Variants in DZANK1 observed in about 807,000 individuals in gnomAD.
The protein encoded by DZANK1 is double zinc ribbon and ankyrin repeat-containing protein 1.
A neutral mutation model predicts 94.5 loss-of-function variants in DZANK1; 91 were observed. The ratio of observed to expected loss-of-function variants is 0.96; its 90% CI spans 0.81 to 1.15. DZANK1 has a LOEUF of 1.15. Among genes scored for constraint, DZANK1 ranks in the 50% most tolerant of loss-of-function variants. DZANK1 has a pLI of 0.00. For missense variants in DZANK1, 903 were observed against 916.4 expected (o/e 0.99, Z 0.19); for synonymous variants, 312 against 325.3 (o/e 0.96, Z 0.44).
rs142237390 is a variant in DZANK1, at chr20:18,451,103, G to A, written c.543+1512C>T. Among the ~76,000 whole-genome samples the A allele has an allele frequency of 2.5e-3, 388 of 152,208 alleles. 6 individuals carry two copies. Among genetic ancestry groups the A allele is most frequent in the Admixed American group, 0.021 (328 of 15,290 alleles). On this transcript the variant is annotated intron_variant, in intron 6 of 20. Transcript: ENST00000262547. ...TGGGACTACAGGTGCGCGCCACTAT[G>A]CCTGGCTAATTTTTGTATTTTCAGT...
chr20:18,418,155 A>C (rs1290399335), intron 10 of DZANK1, among the ~76,000 whole-genome samples: 1 of 152,094 alleles, frequency 6.6e-6, no homozygotes, highest in Non-Finnish European at 1.5e-5. Context: ...AGTTGCAGCA[A>C]GTACATACAA....
Position 18,396,559 on chromosome 20 carries a change from T to C in DZANK1, c.1537-13A>G. 1.9e-6 allele frequency: 3 copies of C among 1,607,080 alleles called. No homozygotes were observed. The highest frequency in any genetic ancestry group is 2.6e-6 in the Non-Finnish European group (3 of 1,175,282). On this transcript the variant is annotated splice_polypyrimidine_tract_variant and intron_variant, in intron 14 of 20. Coordinates refer to ENST00000262547, the Ensembl canonical transcript of DZANK1. Reference sequence around the variant, plus strand: ...TAGCAGAGATAAGCTTTTAAAAGAGTTGTAGAGAGAATTCATAACTGTGGG... The same window carrying C: ...TAGCAGAGATAAGCTTTTAAAAGAGCTGTAGAGAGAATTCATAACTGTGGG...
intron 3 of DZANK1, among the ~76,000 whole-genome samples, chr20:18,459,390 T>C (rs773546416): frequency 3.9e-5 from 6 of 152,162 alleles, no homozygotes; most frequent in Non-Finnish European, 7.3e-5. Context: ...CAAAAAGCCA[T>C]GCAGTAATTC....
chr20:18,447,976 G>A (rs1264825114), intron 7 of DZANK1, among the ~76,000 whole-genome samples: 6 of 152,134 alleles, frequency 3.9e-5, no homozygotes, highest in African/African-American at 1.4e-4. Context: ...TGACTTTGGG[G>A]TTTTAAAAAT....
chr20:18,386,413 C>T lies in DZANK1; in HGVS notation c.2019-1323G>A, dbSNP rs113461457. Among the ~76,000 whole-genome samples the T allele has an allele frequency of 2.3e-3, 347 of 152,162 alleles. 5 individuals are homozygous for T. The highest frequency in any genetic ancestry group is 7.9e-3 in the African/African-American group (327 of 41,500). ...ACCTGTAGAATCAAAGAGAAAACCA[C>T]GATACACAAACACAAGGAATTTAAA... On this transcript the variant is annotated intron_variant, in intron 19 of 20. Transcript: ENST00000262547.
chr20:18,389,180 T>C (rs1454051464), intron 19 of DZANK1, among the ~76,000 whole-genome samples: 4 of 152,172 alleles, frequency 2.6e-5, no homozygotes, highest in Non-Finnish European at 5.9e-5. Context: ...TAACAGGACT[T>C]GGTACCTTTC....
At chr20:18,399,195 T>C (rs2056531384) in intron 13 of DZANK1, among the ~76,000 whole-genome samples, 1 of 152,062 alleles carries the variant, frequency 6.6e-6, no homozygotes. Flanking sequence ...TCTTTTTCTA[T>C]GATTCTATCC....
At chr20:18,383,395 G>C (rs1226542747) in exon 21 of DZANK1, 1 of 152,172 alleles carries the variant, frequency 6.6e-6, no homozygotes, top group Admixed American at 6.5e-5. Flanking sequence ...GGTTTATTGA[G>C]AGCTGATTTG....
intron 18 of DZANK1, 81 bp downstream of exon 18, chr20:18,390,298 C>T: frequency 1.5e-6 from 2 of 1,372,574 alleles, no homozygotes; most frequent in Non-Finnish European, 2.1e-6. Flanking sequence ...CAGTATTGAA[C>T]AAAACTTTCA....
intron 4 of DZANK1, 104 bp downstream of exon 4, chr20:18,455,143 G>T: frequency 1.3e-6 from 1 of 773,366 alleles, no homozygotes; most frequent in Non-Finnish European, 2.1e-6. Flanking sequence ...ATAAGGACCT[G>T]ACTGTGAGCA....
rs148262682 is a variant in DZANK1, at chr20:18,454,901, T to C, written c.378+346A>G. On this transcript the variant is annotated intron_variant, in intron 4 of 20. Transcript: ENST00000262547. ...AACACACTCCAGTTTGGTTGGAGTA[T>C]ATGTAGGGGGTTGACAGACCAGGAA... 2.5e-3 allele frequency among the ~76,000 whole-genome samples: 384 copies of C among 152,262 alleles called. 5 individuals carry two copies. The highest frequency in any genetic ancestry group is 0.021 in the Admixed American group (325 of 15,296).
chr20:18,460,077 T>C (rs998309894), intron 3 of DZANK1, 76 bp downstream of exon 3: 3 of 1,117,440 alleles, frequency 2.7e-6, no homozygotes, highest in South Asian at 2.7e-5. Context: ...CTGATTCTGA[T>C]AGGAAAAAAT....
At chr20:18,437,340 A>G (rs1487763481) in intron 8 of DZANK1, among the ~76,000 whole-genome samples, 2 of 152,224 alleles carry the variant, frequency 1.3e-5, no homozygotes, top group Non-Finnish European at 2.9e-5. Flanking sequence ...GCACTTTGGG[A>G]GGCCAAGGCA....
At chr20:18,451,315 CTT>C (rs2059092835) in intron 6 of DZANK1, among the ~76,000 whole-genome samples, 2 of 152,302 alleles carry the variant, frequency 1.3e-5, no homozygotes, top group South Asian at 2.1e-4. Flanking sequence ...AATTGTCTGT[CTT>C]TATCTAATTA....
At chr20:18,443,287 T>G (rs1015936169) in intron 8 of DZANK1, 60 bp downstream of exon 8, 2 of 1,128,122 alleles carry the variant, frequency 1.8e-6, no homozygotes, top group Non-Finnish European at 2.6e-6. Context: ...ACTGTGTTAC[T>G]GCTGCAAATA....
intron 1 of DZANK1, among the ~76,000 whole-genome samples, chr20:18,465,717 T>C (rs1349697078): frequency 2.0e-5 from 3 of 152,222 alleles, no homozygotes; most frequent in South Asian, 2.1e-4. Context: ...TAAATCATTA[T>C]CGCCTTTTCC....
intron 4 of DZANK1, chr20:18,454,194 C>A: frequency 2.7e-6 from 1 of 370,596 alleles, no homozygotes; most frequent in South Asian, 2.1e-5. Context: ...TGCACACCAC[C>A]TGCCCACACA....
intron 17 of DZANK1, among the ~76,000 whole-genome samples, chr20:18,392,348 C>G (rs977387387): frequency 6.6e-6 from 1 of 152,142 alleles, no homozygotes; most frequent in Non-Finnish European, 1.5e-5. Context: ...TTGTTACATA[C>G]AAAGCATGTG....
intron 7 of DZANK1, among the ~76,000 whole-genome samples, chr20:18,446,372 TA>T (rs1257644001): frequency 2.6e-5 from 4 of 152,284 alleles, no homozygotes; most frequent in East Asian, 3.9e-4. Flanking sequence ...TTTGGAAATA[TA>T]ATAAAACACT....
Sources: gnomAD v4.1 joint callset for allele counts (sites outside exome capture counted in the v4.1 genomes callset) on GRCh38, gnomAD v4.1.1 for gene constraint, MANE v1.5 for transcripts, NCBI Gene and HGNC (gene_info 2026-07-23, HGNC 2026-07-21) for gene names.